Variants in SHISA9 observed in about 807,000 individuals in gnomAD.
SHISA9 encodes the protein shisa family member 9.
SHISA9 carries 13 observed loss-of-function variants against 38.0 expected under a neutral mutation model. The ratio of observed to expected loss-of-function variants is 0.34; its 90% CI spans 0.22 to 0.54. SHISA9 has a LOEUF of 0.54. SHISA9 is among the 20% of genes least tolerant of loss of function. The probability of loss-of-function intolerance (pLI) is 0.91; values close to 1 mark genes in which losing one functional copy is unlikely to be tolerated. For missense variants in SHISA9, 538 were observed against 575.8 expected, an observed-to-expected ratio of 0.93 and a Z score of 0.67; for synonymous variants, 275 against 242.0, an observed-to-expected ratio of 1.14 and a Z score of -1.27.
intron 2 of SHISA9, among the ~76,000 whole-genome samples, chr16:12,944,023 T>C (rs148318248): frequency 6.6e-6 from 1 of 152,282 alleles, no homozygotes. Context: ...CATTGCAAGA[T>C]GTTTAGTAGG....
the SHISA9 span, among the ~76,000 whole-genome samples, chr16:13,389,622 A>G: frequency 3.3e-5 from 5 of 152,144 alleles, no homozygotes; most frequent in African/African-American, 9.7e-5. Context: ...CAGCCCAGGG[A>G]TCATAGCATG....
the SHISA9 span, among the ~76,000 whole-genome samples, chr16:13,454,349 C>A: frequency 6.6e-6 from 1 of 152,136 alleles, no homozygotes; most frequent in African/African-American, 2.4e-5. Context: ...GTAGGAGAAG[C>A]ACTTTACGAA....
intron 2 of SHISA9, among the ~76,000 whole-genome samples, chr16:13,161,871 C>A (rs997329690): frequency 6.6e-6 from 1 of 152,186 alleles, no homozygotes; most frequent in Non-Finnish European, 1.5e-5. Flanking sequence ...GTACTACAAC[C>A]TCTCTTTCTA....
chr16:13,340,592 C>T, the SHISA9 span, among the ~76,000 whole-genome samples: 1 of 152,190 alleles, frequency 6.6e-6, no homozygotes, highest in African/African-American at 2.4e-5. Flanking sequence ...TTTACAAACC[C>T]TCCACCACAA....
intron 2 of SHISA9, among the ~76,000 whole-genome samples, chr16:13,126,831 AAG>A (rs147483289): frequency 3.3e-5 from 4 of 121,786 alleles, no homozygotes; most frequent in East Asian, 2.7e-4. Flanking sequence ...GAGGGAAAGA[AAG>A]AGAGAGAGAC....
At chr16:13,508,494 A>C in the SHISA9 span, among the ~76,000 whole-genome samples, 2 of 152,214 alleles carry the variant, frequency 1.3e-5, no homozygotes, top group African/African-American at 4.8e-5. Flanking sequence ...TAAACATTTT[A>C]AGGTTTTTTA....
chr16:12,934,607 A>G (rs1218077390), intron 2 of SHISA9, among the ~76,000 whole-genome samples: 1 of 152,162 alleles, frequency 6.6e-6, no homozygotes, highest in East Asian at 1.9e-4. Flanking sequence ...ATGGTGGCAA[A>G]TTCGTTATGT....
intron 2 of SHISA9, among the ~76,000 whole-genome samples, chr16:13,028,650 T>C (rs1309809644): frequency 6.6e-6 from 1 of 152,182 alleles, no homozygotes; most frequent in Non-Finnish European, 1.5e-5. Flanking sequence ...CAATTCAAGA[T>C]GAGATTTGGG....
intron 2 of SHISA9, among the ~76,000 whole-genome samples, chr16:12,936,078 G>A (rs567791036): frequency 1.4e-4 from 21 of 152,226 alleles, no homozygotes; most frequent in African/African-American, 4.3e-4. Flanking sequence ...AATTTAGAAC[G>A]GAGTCTCTGG....
At chr16:13,051,955 G>C (rs1239913761) in intron 2 of SHISA9, among the ~76,000 whole-genome samples, 2 of 152,020 alleles carry the variant, frequency 1.3e-5, no homozygotes, top group African/African-American at 2.4e-5. Context: ...AGTAGAGATG[G>C]GGTTTCACCA....
the SHISA9 span, among the ~76,000 whole-genome samples, chr16:13,516,187 G>A: frequency 6.6e-6 from 1 of 152,170 alleles, no homozygotes; most frequent in Non-Finnish European, 1.5e-5. Flanking sequence ...AGGGTCAGTA[G>A]GTGTGAACAA....
At chr16:13,011,968 G>T (rs1449157945) in intron 2 of SHISA9, among the ~76,000 whole-genome samples, 1 of 152,104 alleles carries the variant, frequency 6.6e-6, no homozygotes, top group Non-Finnish European at 1.5e-5. Context: ...TGGAACTACA[G>T]GCATGAGCCG....
chr16:13,019,937 TTC>T (rs2072824571), intron 2 of SHISA9, among the ~76,000 whole-genome samples: 7 of 89,034 alleles, frequency 7.9e-5, no homozygotes, highest in Non-Finnish European at 1.5e-4. Context: ...CTTTCTTTCT[TTC>T]TTTCTTTCTT....
At chr16:13,087,290 G>A (rs898996170) in intron 2 of SHISA9, among the ~76,000 whole-genome samples, 25 of 151,518 alleles carry the variant, frequency 1.6e-4, no homozygotes, top group East Asian at 5.8e-4. Flanking sequence ...ATAAACATAC[G>A]TGTGCGTGTG....
chr16:13,254,769 G>A, the SHISA9 span, among the ~76,000 whole-genome samples: 1 of 152,202 alleles, frequency 6.6e-6, no homozygotes, highest in Non-Finnish European at 1.5e-5. Context: ...ACACCTTGGG[G>A]CAAAGTGAAA....
intron 2 of SHISA9, among the ~76,000 whole-genome samples, chr16:13,195,463 A>G (rs1415135175): frequency 6.6e-6 from 1 of 152,250 alleles, no homozygotes; most frequent in Non-Finnish European, 1.5e-5. Context: ...AGAAGAGACA[A>G]ATCTTCCATG....
At chr16:12,994,977 T>C (rs765393222) in intron 2 of SHISA9, among the ~76,000 whole-genome samples, 2 of 152,206 alleles carry the variant, frequency 1.3e-5, no homozygotes, top group Admixed American at 6.5e-5. Context: ...GGGCTAAAGA[T>C]ATGCTTTTTT....
chr16:13,020,009 T>TTCCC (rs1567184373), intron 2 of SHISA9, among the ~76,000 whole-genome samples: 3 of 131,498 alleles, frequency 2.3e-5, no homozygotes, highest in East Asian at 4.4e-4. Flanking sequence ...CCTTCCTTCC[T>TTCCC]TCCCTCCTTC....
At chr16:13,258,372 G>A in the SHISA9 span, 4 of 152,114 alleles carry the variant, frequency 2.6e-5, no homozygotes, top group Non-Finnish European at 5.9e-5. Flanking sequence ...TAATGAAAAT[G>A]GAAACACTTC....
Sources: gnomAD v4.1 joint callset for allele counts (sites outside exome capture counted in the v4.1 genomes callset) on GRCh38, gnomAD v4.1.1 for gene constraint, MANE v1.5 for transcripts, NCBI Gene and HGNC (gene_info 2026-07-23, HGNC 2026-07-21) for gene names.